Variants in PCDH7 observed in about 807,000 individuals in gnomAD.
PCDH7 encodes protocadherin-7.
In PCDH7, 17 loss-of-function variants were observed where a neutral mutation model predicts 58.9. The observed-to-expected ratio is 0.29, with a 90% CI of 0.20 to 0.43. The LOEUF (loss-of-function observed/expected upper bound fraction) is 0.43. PCDH7 is among the 20% of genes least tolerant of loss of function. The probability of loss-of-function intolerance (pLI) is 1.00; values close to 1 mark genes in which losing one functional copy is unlikely to be tolerated. For synonymous variants in PCDH7, 664 were observed against 616.4 expected (o/e 1.08, Z -1.14); for missense variants, 1,274 against 1,441.0 (o/e 0.88, Z 1.88).
At position 30,723,739 on chromosome 4, in the gene PCDH7, G is replaced by C. The variant is rs764441428; in HGVS notation, c.2317G>C (p.Asp773His). The change falls in exon 1 of 2, where the codon GAT (aspartate) becomes CAT (histidine). Residue 773 changes from aspartate to histidine, a missense_variant. This residue lies in a region of PCDH7 where 731 missense variants were observed against 881.9 expected (regional missense o/e 0.83). Transcript: ENST00000361762. The surrounding 1 kb of genome is among the most constrained non-coding windows in gnomAD (Gnocchi z 4.6). ...TACAGTGTTGGCAACAGACAGTGATGATGGCATCAATGCAGACCTGAACTA... is the reference window on the plus strand; with the variant it reads ...TACAGTGTTGGCAACAGACAGTGATCATGGCATCAATGCAGACCTGAACTA... 2 of 1,614,070 alleles carry C rather than the reference G, an allele frequency of 1.2e-6. No individual in the cohort carries two copies. The highest frequency in any genetic ancestry group is 1.7e-6 in the Non-Finnish European group (2 of 1,180,056).
chr4:30,959,732 T>G (rs1193220109), intron 3 of PCDH7, among the ~76,000 whole-genome samples: 1 of 152,194 alleles, frequency 6.6e-6, no homozygotes, highest in Non-Finnish European at 1.5e-5. Context: ...CTTAGATACT[T>G]AAACTGCAAA....
chr4:31,047,089 GT>G (rs1315833749), intron 3 of PCDH7, among the ~76,000 whole-genome samples: 1 of 151,778 alleles, frequency 6.6e-6, no homozygotes, highest in Non-Finnish European at 1.5e-5. Flanking sequence ...CAAATTTTTT[GT>G]TTGTTTTTTT....
At chr4:31,073,360 A>G (rs184721446) in intron 3 of PCDH7, among the ~76,000 whole-genome samples, 2 of 152,334 alleles carry the variant, frequency 1.3e-5, no homozygotes, top group Admixed American at 6.5e-5. Flanking sequence ...CTAAGTTATG[A>G]TGATATCTTA....
chr4:30,851,819 G>A (rs1732793468), intron 1 of PCDH7, among the ~76,000 whole-genome samples: 1 of 151,968 alleles, frequency 6.6e-6, no homozygotes, highest in Non-Finnish European at 1.5e-5. Flanking sequence ...TCGATGGAAA[G>A]TGATAATATG....
At chr4:30,765,835 C>A (rs1273321140) in intron 1 of PCDH7, among the ~76,000 whole-genome samples, 1 of 152,078 alleles carries the variant, frequency 6.6e-6, no homozygotes, top group Non-Finnish European at 1.5e-5. Flanking sequence ...TTTGGATATT[C>A]AGGTTGATTA....
At chr4:31,114,049 G>A (rs1007734182) in intron 3 of PCDH7, among the ~76,000 whole-genome samples, 2 of 152,046 alleles carry the variant, frequency 1.3e-5, no homozygotes, top group Non-Finnish European at 2.9e-5. Flanking sequence ...GGCCAGGCTG[G>A]TCTTGAAATC....
intron 1 of PCDH7, among the ~76,000 whole-genome samples, chr4:30,908,296 A>C (rs996892784): frequency 2.0e-5 from 3 of 151,998 alleles, no homozygotes; most frequent in African/African-American, 4.8e-5. Flanking sequence ...CTTCCTAATT[A>C]AAGAGTCCCC....
chr4:30,841,703 C>G (rs1731240275), intron 1 of PCDH7, among the ~76,000 whole-genome samples: 2 of 151,834 alleles, frequency 1.3e-5, no homozygotes, highest in South Asian at 4.2e-4. Flanking sequence ...CACATATACC[C>G]TAGAATATAA....
chr4:30,981,824 T>C (rs1750597481), intron 3 of PCDH7, among the ~76,000 whole-genome samples: 1 of 152,178 alleles, frequency 6.6e-6, no homozygotes, highest in African/African-American at 2.4e-5. Flanking sequence ...CTACTCTCAT[T>C]TGTTTTTGCC....
chr4:30,779,982 G>A (rs544711976), intron 1 of PCDH7, among the ~76,000 whole-genome samples: 104 of 152,140 alleles, frequency 6.8e-4, no homozygotes, highest in Non-Finnish European at 4.7e-4. Context: ...AAAGGTGGCC[G>A]GTATTATGGC....
At chr4:30,863,211 G>T (rs1175271978) in intron 1 of PCDH7, among the ~76,000 whole-genome samples, 1 of 152,044 alleles carries the variant, frequency 6.6e-6, no homozygotes, top group African/African-American at 2.4e-5. Context: ...TATTGTATTG[G>T]TTTCCTGCCC....
chr4:31,100,849 T>A (rs1288189389), intron 3 of PCDH7, among the ~76,000 whole-genome samples: 1 of 152,216 alleles, frequency 6.6e-6, no homozygotes, highest in Non-Finnish European at 1.5e-5. Context: ...CATGCATTTA[T>A]CTTTGGCATG....
chr4:31,118,620 T>C (rs1717281979), intron 3 of PCDH7, among the ~76,000 whole-genome samples: 1 of 152,150 alleles, frequency 6.6e-6, no homozygotes, highest in African/African-American at 2.4e-5. Context: ...TTGGGGATAG[T>C]CTGACCTCAA....
chr4:31,066,742 A>G (rs1758126613), intron 3 of PCDH7, among the ~76,000 whole-genome samples: 2 of 151,942 alleles, frequency 1.3e-5, no homozygotes, highest in Non-Finnish European at 2.9e-5. Context: ...ATGCTTTCAC[A>G]TATGGAGAGT....
chr4:31,086,063 A>C (rs1712392142), intron 3 of PCDH7, among the ~76,000 whole-genome samples: 1 of 152,164 alleles, frequency 6.6e-6, no homozygotes, highest in Admixed American at 6.5e-5. Context: ...GCTTTGAATC[A>C]GTTAATCCAT....
chr4:31,021,381 C>T (rs1004458420), intron 3 of PCDH7, among the ~76,000 whole-genome samples: 1 of 152,162 alleles, frequency 6.6e-6, no homozygotes, highest in Admixed American at 6.5e-5. Context: ...GAGGAATTGT[C>T]TCGACCAACA....
intron 1 of PCDH7, among the ~76,000 whole-genome samples, chr4:30,883,485 G>A (rs919312025): frequency 4.6e-5 from 7 of 152,114 alleles, no homozygotes; most frequent in Admixed American, 2.6e-4. Context: ...CGAATGTAAC[G>A]TGGTACTTAC....
intron 3 of PCDH7, among the ~76,000 whole-genome samples, chr4:31,049,254 G>T (rs985015963): frequency 3.3e-5 from 5 of 152,018 alleles, no homozygotes; most frequent in African/African-American, 1.2e-4. Context: ...GCGGTGTTTG[G>T]TTATATTGCT....
chr4:30,995,802 A>G (rs987999759), intron 3 of PCDH7, among the ~76,000 whole-genome samples: 1 of 152,008 alleles, frequency 6.6e-6, no homozygotes, highest in Non-Finnish European at 1.5e-5. Context: ...TCAAAGCCAT[A>G]TTGAGCCTTA....
Sources: gnomAD v4.1 joint callset for allele counts (sites outside exome capture counted in the v4.1 genomes callset) on GRCh38, gnomAD v4.1.1 for gene constraint, gnomAD v4.1.1 regional missense constraint, Gnocchi (gnomAD v3.1) non-coding constraint, MANE v1.5 for transcripts, NCBI Gene and HGNC (gene_info 2026-07-23, HGNC 2026-07-21) for gene names.